Variants in EHD3 observed in about 807,000 individuals in gnomAD.
EHD3 encodes the protein EH domain containing 3.
Under a neutral mutation model 43.0 loss-of-function variants are expected in EHD3, and 17 were observed. The ratio of observed to expected loss-of-function variants is 0.40; its 90% CI spans 0.27 to 0.59. The LOEUF is 0.59. Among genes scored for constraint, EHD3 ranks in the 20% least tolerant of loss-of-function variants. The pLI is 0.49. For missense variants in EHD3, 594 were observed against 705.6 expected (o/e 0.84, Z 1.79); for synonymous variants, 313 against 289.5 (o/e 1.08, Z -0.82).
chr2:31,234,267 G>A lies in EHD3; in HGVS notation c.-355G>A, dbSNP rs1683279730. The A allele has an allele frequency of 2.9e-6, 1 of 339,986 alleles. No individual in the cohort carries two copies. The highest frequency in any genetic ancestry group is 5.6e-6 in the Non-Finnish European group (1 of 178,422). The allele number at this position is 339,986 out of a possible 1,614,324, so 21.1% of individuals were successfully genotyped here. On this transcript the variant is annotated 5_prime_UTR_variant, in exon 1 of 6. Transcript: ENST00000322054. ...CCCTTGCTGCACGCAGGGCAGAGCA[G>A]GCGAGGGCTGGGGGCCGATCGGGGA... is the stretch of plus-strand genomic sequence containing the variant.
At chr2:31,265,116 G>A (rs186718312) in intron 5 of EHD3, among the ~76,000 whole-genome samples, 4 of 152,248 alleles carry the variant, frequency 2.6e-5, no homozygotes, top group African/African-American at 7.2e-5. Context: ...GTCATCTCCT[G>A]TAATAACAAT....
Position 31,234,428 on chromosome 2 carries a change from G to A in EHD3, c.-194G>A. ...GGCTGCTGGATGCAGCAGCGGCTGG[G>A]CTTGGTCCCAGGAGCAGGGAGAGTG... On this transcript the variant is annotated 5_prime_UTR_variant, in exon 1 of 6. Transcript: ENST00000322054. The A allele has an allele frequency of 1.6e-6, 1 of 607,318 alleles. No individual in the cohort carries two copies. Among genetic ancestry groups the A allele is most frequent in the Non-Finnish European group, 2.9e-6 (1 of 347,456 alleles). 37.6% of individuals were successfully genotyped at this position (607,318 alleles called of 1,614,324 possible). A position where few individuals can be genotyped will look rare whatever the true frequency, so the allele number is the denominator to read the frequency against.
intron 3 of EHD3, among the ~76,000 whole-genome samples, chr2:31,252,079 C>T (rs1057494389): frequency 6.6e-6 from 1 of 152,176 alleles, no homozygotes; most frequent in East Asian, 1.9e-4. Context: ...CCAGCCTCTG[C>T]GGTTTCCAAG....
chr2:31,260,408 T>G lies in EHD3; in HGVS notation c.503-102T>G. The G allele has an allele frequency of 8.3e-7, 1 of 1,201,444 alleles. No homozygotes were observed. 74.4% of individuals were successfully genotyped at this position (1,201,444 alleles called of 1,614,324 possible). A position where few individuals can be genotyped will look rare whatever the true frequency, so the allele number is the denominator to read the frequency against. On this transcript the variant is annotated intron_variant, in intron 3 of 5. Transcript: ENST00000322054. This position sits in a 1 kb window ranked among gnomAD's most constrained non-coding sequence, Gnocchi z 4.6. The stretch of plus-strand genomic sequence containing the variant: ...AGGAGCCAGGATTTAAACTTAGATC[T>G]GACTCCCAAGACTGTGTTATTTCTA...
At chr2:31,239,895 C>T (rs1415404658) in intron 1 of EHD3, among the ~76,000 whole-genome samples, 2 of 151,162 alleles carry the variant, frequency 1.3e-5, no homozygotes, top group Non-Finnish European at 2.9e-5. Flanking sequence ...GCGGGAAGGC[C>T]CTTCTCCAGC....
intron 3 of EHD3, among the ~76,000 whole-genome samples, chr2:31,259,695 G>C (rs577505995): frequency 2.0e-5 from 3 of 152,304 alleles, no homozygotes; most frequent in Non-Finnish European, 4.4e-5. Flanking sequence ...AAGAATTGCA[G>C]ATTTCTTCCA....
chr2:31,265,174 C>T (rs1215242901), intron 5 of EHD3, among the ~76,000 whole-genome samples: 4 of 152,094 alleles, frequency 2.6e-5, no homozygotes, highest in Admixed American at 2.6e-4. Flanking sequence ...GGTTGTTTTA[C>T]TGTTAACATT....
intron 1 of EHD3, among the ~76,000 whole-genome samples, chr2:31,240,576 G>C (rs1437308148): frequency 6.6e-6 from 1 of 152,166 alleles, no homozygotes; most frequent in Non-Finnish European, 1.5e-5. Context: ...TGGGTCATGT[G>C]GGTTTAGCAG....
At chr2:31,258,550 C>A (rs1382019424) in intron 3 of EHD3, among the ~76,000 whole-genome samples, 1 of 152,190 alleles carries the variant, frequency 6.6e-6, no homozygotes, top group Non-Finnish European at 1.5e-5. Context: ...CCAGGGCTAC[C>A]TTCCTGGACT....
chr2:31,256,330 C>A (rs1158877443), intron 3 of EHD3, among the ~76,000 whole-genome samples: 2 of 152,240 alleles, frequency 1.3e-5, no homozygotes, highest in Non-Finnish European at 2.9e-5. Context: ...CTCACAATAA[C>A]CCTACGACTG....
In EHD3 at chr2:31,266,205, A is replaced by G. The variant is rs756892801; in HGVS notation, c.1109A>G (p.Lys370Arg). The change falls in exon 6 of 6, where the codon AAG (lysine) becomes AGG (arginine). Residue 370 changes from lysine (K) to arginine (R), a missense_variant. By Grantham distance (26) the Lys-to-Arg change is conservative (BLOSUM62 2). Coordinates refer to ENST00000322054, the MANE Select transcript of EHD3 (RefSeq NM_014600.3). This position sits in a 1 kb window ranked among gnomAD's most constrained non-coding sequence, Gnocchi z 5.1. ...QDQLQAQDFS[K>R]FQPLKSKLLE... ...CAGCTGCAGGCCCAGGACTTTAGCA[A>G]GTTCCAGCCGCTGAAGAGCAAGCTG... 7 of 1,612,454 alleles carry G rather than the reference A, an allele frequency of 4.3e-6. No individual in the cohort carries two copies. The highest frequency in any genetic ancestry group is 3.3e-5 in the Admixed American group (2 of 59,996).
chr2:31,236,531 G>A (rs185411431), intron 1 of EHD3, among the ~76,000 whole-genome samples: 1 of 152,310 alleles, frequency 6.6e-6, no homozygotes, highest in African/African-American at 2.4e-5. Flanking sequence ...AGAGCTGCCT[G>A]GGTTGCCTGC....
chr2:31,243,550 G>A (rs1027716143), intron 1 of EHD3, among the ~76,000 whole-genome samples: 10 of 147,688 alleles, frequency 6.8e-5, no homozygotes, highest in African/African-American at 2.5e-4. Context: ...TCTGCCTCCC[G>A]GGTTCAAATG....
chr2:31,254,166 C>A (rs184146880), intron 3 of EHD3, among the ~76,000 whole-genome samples: 21 of 152,272 alleles, frequency 1.4e-4, no homozygotes, highest in Middle Eastern at 3.4e-3. Context: ...TCTTCCTATT[C>A]CTGGTCCACG....
chr2:31,237,039 A>G (rs1435267349), intron 1 of EHD3, among the ~76,000 whole-genome samples: 1 of 152,150 alleles, frequency 6.6e-6, no homozygotes, highest in Non-Finnish European at 1.5e-5. Context: ...CTCCCCACTC[A>G]TGTCAGCAAC....
chr2:31,261,503 G>T (rs778423783), intron 4 of EHD3, 46 bp from the exon 5 acceptor site: 2 of 1,608,066 alleles, frequency 1.2e-6, no homozygotes, highest in Non-Finnish European at 1.7e-6. Flanking sequence ...GGAAGGGACC[G>T]TCCAGGGTCT....
At chr2:31,244,911 T>C (rs574725842) in intron 2 of EHD3, among the ~76,000 whole-genome samples, 10 of 152,194 alleles carry the variant, frequency 6.6e-5, no homozygotes, top group African/African-American at 2.4e-4. Flanking sequence ...CTAACTCTTC[T>C]ACTAAATTGA....
At chr2:31,253,880 G>A (rs944192291) in intron 3 of EHD3, among the ~76,000 whole-genome samples, 2 of 152,164 alleles carry the variant, frequency 1.3e-5, no homozygotes, top group Non-Finnish European at 2.9e-5. Flanking sequence ...ATGTGCCCCA[G>A]CCTGGCTCAT....
chr2:31,261,629 C>G lies in EHD3; in HGVS notation c.996C>G (p.Val332=). 6.2e-7 allele frequency: 1 copy of G among 1,614,192 alleles called. No homozygotes were observed. Among genetic ancestry groups the G allele is most frequent in the Non-Finnish European group, 8.5e-7 (1 of 1,180,032 alleles). ...FGKDNKKKEL[V]NNLAEIYGRI... The stretch of plus-strand genomic sequence containing the variant: ...AGGACAACAAGAAGAAGGAGCTGGT[C>G]AACAACCTGGCCGAGATCTATGGCC... Residue 332 remains valine, a synonymous_variant, in exon 5 of 6, where the codon GTC becomes GTG. Coordinates refer to ENST00000322054, the MANE Select transcript of EHD3 (RefSeq NM_014600.3).
Sources: allele counts gnomAD v4.1 joint callset (sites outside exome capture counted in the v4.1 genomes callset), GRCh38; gene constraint gnomAD v4.1.1; non-coding constraint Gnocchi (gnomAD v3.1); transcripts MANE v1.5; gene names NCBI Gene and HGNC (gene_info 2026-07-23, HGNC 2026-07-21).